The following LINGO2 variants were observed in gnomAD, a reference collection of about 807,000 sequenced individuals.
The protein encoded by LINGO2 is leucine-rich repeat and immunoglobulin-like domain-containing nogo receptor-interacting protein 2.
LINGO2 carries 14 observed loss-of-function variants against 30.6 expected under a neutral mutation model. The observed-to-expected ratio is 0.46, with a 90% CI of 0.30 to 0.72. LINGO2 has a LOEUF of 0.72. Among genes scored for constraint, LINGO2 ranks in the 30% least tolerant of loss-of-function variants. The probability of loss-of-function intolerance (pLI) is 0.07; values close to 1 mark genes in which losing one functional copy is unlikely to be tolerated. For missense variants in LINGO2, 729 were observed against 751.7 expected (o/e 0.97, Z 0.35); for synonymous variants, 317 against 288.5 (o/e 1.10, Z -1.00).
upstream of LINGO2, among the ~76,000 whole-genome samples, chr9:28,675,135 T>G (rs959652319): frequency 1.3e-5 from 2 of 152,176 alleles, no homozygotes; most frequent in Admixed American, 1.3e-4. Context: ...CCTCAAGAAA[T>G]AAATTATGTG....
At chr9:28,448,588 A>T (rs1824520946) in intron 2 of LINGO2, among the ~76,000 whole-genome samples, 1 of 152,118 alleles carries the variant, frequency 6.6e-6, no homozygotes, top group Non-Finnish European at 1.5e-5. Context: ...TTCAAAAAGA[A>T]GATGATCCAG....
chr9:28,288,080 A>G (rs1320824483), intron 4 of LINGO2, among the ~76,000 whole-genome samples: 1 of 152,138 alleles, frequency 6.6e-6, no homozygotes, highest in Non-Finnish European at 1.5e-5. Context: ...TTCTCTCTGT[A>G]CATATCTTCC....
At chr9:28,998,076 G>A in the LINGO2 span, among the ~76,000 whole-genome samples, 3 of 152,084 alleles carry the variant, frequency 2.0e-5, no homozygotes, top group Non-Finnish European at 4.4e-5. Context: ...TTTGAACCTA[G>A]GTCTCTTAAA....
chr9:28,054,982 T>C (rs1824855714), intron 4 of LINGO2, among the ~76,000 whole-genome samples: 2 of 152,022 alleles, frequency 1.3e-5, no homozygotes, highest in African/African-American at 4.8e-5. Context: ...TTACATAAGC[T>C]TTACTGAAAT....
chr9:28,531,958 T>C (rs2135430964), intron 1 of LINGO2, among the ~76,000 whole-genome samples: 1 of 152,334 alleles, frequency 6.6e-6, no homozygotes, highest in East Asian at 1.9e-4. Context: ...ATTGTAGCTA[T>C]TGATATCTAA....
chr9:28,488,675 C>T (rs944812769), intron 1 of LINGO2, among the ~76,000 whole-genome samples: 29 of 152,096 alleles, frequency 1.9e-4, no homozygotes, highest in Non-Finnish European at 1.9e-4. Context: ...CATAATGAGT[C>T]ACATATGTAG....
At chr9:28,304,909 C>A (rs1485774540) in intron 3 of LINGO2, among the ~76,000 whole-genome samples, 1 of 151,840 alleles carries the variant, frequency 6.6e-6, no homozygotes, top group Non-Finnish European at 1.5e-5. Context: ...GTAAAGTTAG[C>A]AATAAGATGT....
At chr9:28,241,333 A>G (rs1374980856) in intron 4 of LINGO2, among the ~76,000 whole-genome samples, 1 of 151,724 alleles carries the variant, frequency 6.6e-6, no homozygotes, top group African/African-American at 2.4e-5. Context: ...GGGTGGGGCC[A>G]AGATAGCCAA....
At chr9:27,974,396 T>C (rs1201288111) in intron 5 of LINGO2, among the ~76,000 whole-genome samples, 3 of 152,080 alleles carry the variant, frequency 2.0e-5, no homozygotes, top group African/African-American at 7.2e-5. Context: ...GGCTTTTGAG[T>C]GCTACACAGT....
At chr9:28,642,448 C>T (rs987379853) in intron 1 of LINGO2, among the ~76,000 whole-genome samples, 1 of 152,002 alleles carries the variant, frequency 6.6e-6, no homozygotes, top group Non-Finnish European at 1.5e-5. Context: ...CATAGTTTAA[C>T]AAGAAACACA....
the LINGO2 span, among the ~76,000 whole-genome samples, chr9:29,057,682 C>T: frequency 3.9e-5 from 6 of 152,034 alleles, no homozygotes; most frequent in Non-Finnish European, 5.9e-5. Context: ...ACATAGAGGC[C>T]CTGCCTTGAG....
At chr9:28,348,034 A>G (rs963617007) in intron 3 of LINGO2, among the ~76,000 whole-genome samples, 1 of 152,150 alleles carries the variant, frequency 6.6e-6, no homozygotes, top group Non-Finnish European at 1.5e-5. Context: ...GTATTTTAGA[A>G]GCTTTCTAGG....
intron 4 of LINGO2, among the ~76,000 whole-genome samples, chr9:28,179,568 T>C (rs2133703303): frequency 7.1e-6 from 1 of 140,938 alleles, no homozygotes; most frequent in African/African-American, 2.6e-5. Flanking sequence ...ATAGAGTATG[T>C]ATACGATATG....
At chr9:28,608,758 T>C (rs1365155783) in intron 1 of LINGO2, among the ~76,000 whole-genome samples, 3 of 151,968 alleles carry the variant, frequency 2.0e-5, no homozygotes, top group Non-Finnish European at 4.4e-5. Context: ...ACAGGTAACT[T>C]TTCCTTCGAA....
At chr9:28,716,104 G>C in the LINGO2 span, among the ~76,000 whole-genome samples, 1 of 150,958 alleles carries the variant, frequency 6.6e-6, no homozygotes, top group African/African-American at 2.4e-5. Context: ...ATCTCAAATG[G>C]ATATACCATT....
chr9:29,002,066 C>A, the LINGO2 span, among the ~76,000 whole-genome samples: 1 of 151,870 alleles, frequency 6.6e-6, no homozygotes, highest in Non-Finnish European at 1.5e-5. Context: ...TTTTTGGCTG[C>A]TTGAATTATG....
chr9:28,170,748 C>T (rs1828558507), intron 4 of LINGO2, among the ~76,000 whole-genome samples: 1 of 152,128 alleles, frequency 6.6e-6, no homozygotes. Context: ...GCTCAGGGCC[C>T]AGCACCACTC....
At chr9:27,968,816 A>T in intron 5 of LINGO2, among the ~76,000 whole-genome samples, 1 of 151,650 alleles carries the variant, frequency 6.6e-6, no homozygotes, top group Non-Finnish European at 1.5e-5. Context: ...TACTACTTCT[A>T]TTTTCCCTGT....
chr9:27,970,694 C>T (rs527499918), intron 5 of LINGO2, among the ~76,000 whole-genome samples: 4 of 152,180 alleles, frequency 2.6e-5, no homozygotes, highest in African/African-American at 9.6e-5. Context: ...ATTGTGAGAA[C>T]TTGGACTAAT....
Sources: allele counts gnomAD v4.1 joint callset (sites outside exome capture counted in the v4.1 genomes callset), GRCh38; gene constraint gnomAD v4.1.1; transcripts MANE v1.5; gene names NCBI Gene and HGNC (gene_info 2026-07-23, HGNC 2026-07-21).